ORMDL1: variants seen among roughly 807,000 people sequenced by gnomAD.
The protein encoded by ORMDL1 is ORMDL sphingolipid biosynthesis regulator 1.
Under a neutral mutation model 13.0 loss-of-function variants are expected in ORMDL1, and 10 were observed. The observed-to-expected ratio is 0.77, with a 90% CI of 0.47 to 1.30. ORMDL1 has a LOEUF of 1.30. Among genes scored for constraint, ORMDL1 ranks in the 50% most tolerant of loss-of-function variants. The pLI is 0.00. For missense variants in ORMDL1, 171 were observed against 186.7 expected (o/e 0.92, Z 0.49); for synonymous variants, 61 against 63.9 (o/e 0.95, Z 0.22).
rs774054581 is a variant in ORMDL1, at chr2:189,782,563, A to ATTCAC, written c.28_32dup (p.Asn11LysfsTer2). Reference sequence around the variant, plus strand: ...GGCTGTTCATGACACGGGTATTTGGATTCACTTCACTGTGGGCAACTCCAA... The same window carrying ATTCAC: ...GGCTGTTCATGACACGGGTATTTGGATTCACTTCACTTCACTGTGGGCAACTCCAA... On this transcript the variant is annotated stop_gained and frameshift_variant, in exon 3 of 5. Coordinates refer to ENST00000392349, the MANE Select transcript of ORMDL1 (RefSeq NM_016467.5). LOFTEE classifies it high-confidence loss of function. The ATTCAC allele has an allele frequency of 6.2e-7, 1 of 1,614,186 alleles. No individual in the cohort carries two copies. The highest frequency in any genetic ancestry group is 1.1e-5 in the South Asian group (1 of 91,084).
chr2:189,779,477 C>T (rs928663477), intron 3 of ORMDL1, among the ~76,000 whole-genome samples: 5 of 152,140 alleles, frequency 3.3e-5, no homozygotes, highest in African/African-American at 4.8e-5. Flanking sequence ...TAAGCCAAAA[C>T]AATAAAATGA....
chr2:189,782,578 G>C lies in ORMDL1; in HGVS notation c.18C>G (p.Ala6=). The part of the protein sequence containing the change: MNVGV[A]HSEVNPNTRV... ...GGGTATTTGGATTCACTTCACTGTG[G>C]GCAACTCCAACGTTCATGTTTGCTC... is the stretch of plus-strand genomic sequence containing the variant. The change falls in exon 3 of 5, where the codon GCC becomes GCG. Residue 6 remains alanine, a synonymous_variant. Coordinates refer to ENST00000392349, the MANE Select transcript of ORMDL1 (RefSeq NM_016467.5). 6.2e-7 allele frequency: 1 copy of C among 1,613,954 alleles called. No homozygotes were observed. Among genetic ancestry groups the C allele is most frequent in the Non-Finnish European group, 8.5e-7 (1 of 1,179,930 alleles).
downstream of ORMDL1, among the ~76,000 whole-genome samples, chr2:189,768,130 CTTTTCT>C (rs2047513116): frequency 6.6e-6 from 1 of 152,140 alleles, no homozygotes; most frequent in South Asian, 2.1e-4. Flanking sequence ...ACATCTCATT[CTTTTCT>C]TTTTGACACA....
Position 189,771,525 on chromosome 2 carries a change from T to C in ORMDL1, c.*242A>G. The C allele has an allele frequency of 3.1e-6, 1 of 327,270 alleles. No homozygotes were observed. Among genetic ancestry groups the C allele is most frequent in the Non-Finnish European group, 5.5e-6 (1 of 182,062 alleles). 20.3% of individuals were successfully genotyped at this position (327,270 alleles called of 1,614,324 possible). ...CCTCACTGTGATGCCCTTTAACTTA[T>C]AAGCTGGGCCTGCCCAGCCTGCTTA... On this transcript the variant is annotated 3_prime_UTR_variant, in exon 5 of 5. Coordinates refer to ENST00000392349, the MANE Select transcript of ORMDL1 (RefSeq NM_016467.5).
downstream of ORMDL1, among the ~76,000 whole-genome samples, chr2:189,766,193 G>A (rs933823923): frequency 6.6e-6 from 1 of 152,016 alleles, no homozygotes; most frequent in Non-Finnish European, 1.5e-5. Context: ...TTTCATTAGT[G>A]GTAATACTGT....
chr2:189,780,173 G>C lies in ORMDL1; in HGVS notation c.174+2249C>G, dbSNP rs767013093. Among the ~76,000 whole-genome samples the C allele has an allele frequency of 4.6e-5, 7 of 151,912 alleles. No individual in the cohort carries two copies. The South Asian group carries it at 1.4e-3, about 31-fold the overall frequency. ...CACAGCCTAAAGATAATTTTATATA[G>C]TATCTTTAATAATTTTGTGCATGAA... On this transcript the variant is annotated intron_variant, in intron 3 of 4. Coordinates refer to ENST00000392349, the MANE Select transcript of ORMDL1 (RefSeq NM_016467.5).
intron 3 of ORMDL1, among the ~76,000 whole-genome samples, chr2:189,777,239 C>T (rs1307582833): frequency 6.6e-6 from 1 of 152,172 alleles, no homozygotes; most frequent in Non-Finnish European, 1.5e-5. Flanking sequence ...CACCGCAAGA[C>T]ATTAGACATT....
chr2:189,764,246 G>A, the ORMDL1 span: 10 of 152,322 alleles, frequency 6.6e-5, no homozygotes, highest in African/African-American at 2.2e-4. Flanking sequence ...GCTTATTTCT[G>A]TTATACACTG....
intron 4 of ORMDL1, 130 bp downstream of exon 4, chr2:189,775,435 G>T: frequency 1.0e-6 from 1 of 985,874 alleles, no homozygotes. Flanking sequence ...TATATTTTAT[G>T]TTCTATCCGA....
intron 3 of ORMDL1, chr2:189,778,503 T>C (rs2047750359): frequency 2.2e-6 from 1 of 452,156 alleles, no homozygotes; most frequent in African/African-American, 2.0e-5. Context: ...GACAAACACA[T>C]GATAAAAGAA....
At chr2:189,765,875 G>A (rs1460755445), downstream of ORMDL1, among the ~76,000 whole-genome samples, 2 of 5,032 alleles carry the variant, frequency 4.0e-4, no homozygotes, top group Non-Finnish European at 5.6e-3. Context: ...ACGACGTCTG[G>A]ATTGCAATTG....
chr2:189,779,260 T>C (rs1373556833), intron 3 of ORMDL1, among the ~76,000 whole-genome samples: 1 of 152,142 alleles, frequency 6.6e-6, no homozygotes, highest in East Asian at 1.9e-4. Flanking sequence ...AAGGACTGCT[T>C]GAGGCCAGGA....
Position 189,783,057 on chromosome 2 carries a change from T to C in ORMDL1, c.-51A>G, listed in dbSNP as rs571475424. 1 of 157,944 alleles carries C rather than the reference T, an allele frequency of 6.3e-6. No homozygotes were observed. The highest frequency in any genetic ancestry group is 1.4e-5 in the Non-Finnish European group (1 of 70,902). The allele number at this position is 157,944 out of a possible 1,614,324, so 9.8% of individuals were successfully genotyped here. A position where few individuals can be genotyped will look rare whatever the true frequency, so the allele number is the denominator to read the frequency against. On this transcript the variant is annotated 5_prime_UTR_variant, in exon 2 of 5. Transcript: ENST00000392349. ...AGTCAGACTCTTATATTTGACTTAA[T>C]GTATCCATAAAGAATGGTCAGAGTT...
At chr2:189,775,133 T>G in intron 4 of ORMDL1, 1 of 153,604 alleles carries the variant, frequency 6.5e-6, no homozygotes, top group Non-Finnish European at 1.5e-5. Flanking sequence ...GACCTACTTT[T>G]TTCGAAACCA....
downstream of ORMDL1, among the ~76,000 whole-genome samples, chr2:189,766,318 T>C (rs149478330): frequency 3.3e-5 from 5 of 152,358 alleles, no homozygotes; most frequent in African/African-American, 4.8e-5. Flanking sequence ...ATTTACCATT[T>C]TGACCATTTT....
At chr2:189,778,894 C>CA (rs955736032) in intron 3 of ORMDL1, among the ~76,000 whole-genome samples, 2 of 151,422 alleles carry the variant, frequency 1.3e-5, no homozygotes, top group South Asian at 2.1e-4. Context: ...GACTCCATCT[C>CA]AAAAAAAATA....
chr2:189,778,140 C>T, intron 3 of ORMDL1: 2 of 447,418 alleles, frequency 4.5e-6, no homozygotes, highest in Non-Finnish European at 8.9e-6. Flanking sequence ...TGGTGGCTCA[C>T]ACTCAGCACT....
At chr2:189,780,790 C>T (rs1388294487) in intron 3 of ORMDL1, among the ~76,000 whole-genome samples, 2 of 152,136 alleles carry the variant, frequency 1.3e-5, no homozygotes, top group Admixed American at 6.5e-5. Flanking sequence ...AAGAAAACAT[C>T]GTTTGCTCTT....
Position 189,777,754 on chromosome 2 carries a change from A to G in ORMDL1, c.175-2038T>C, listed in dbSNP as rs75410971. 6.8e-3 allele frequency among the ~76,000 whole-genome samples: 1,040 copies of G among 152,322 alleles called. 6 individuals are homozygous for G. The highest frequency in any genetic ancestry group is 9.6e-3 in the Non-Finnish European group (651 of 68,012). ...TGGGCCAAGAATCCTGTGAAGCATTAATACCTCTAAGGGTGAGGTAGCACT... is the reference window on the plus strand; with the variant it reads ...TGGGCCAAGAATCCTGTGAAGCATTGATACCTCTAAGGGTGAGGTAGCACT... On this transcript the variant is annotated intron_variant, in intron 3 of 4. Coordinates refer to ENST00000392349, the MANE Select transcript of ORMDL1 (RefSeq NM_016467.5).
Sources: allele counts gnomAD v4.1 joint callset (sites outside exome capture counted in the v4.1 genomes callset), GRCh38; gene constraint gnomAD v4.1.1; transcripts MANE v1.5; gene names NCBI Gene and HGNC (gene_info 2026-07-23, HGNC 2026-07-21).